The following AK8 variants were observed in gnomAD, a reference collection of about 807,000 sequenced individuals.
AK8 encodes ATP-AMP transphosphorylase 8.
Under a neutral mutation model 54.6 loss-of-function variants are expected in AK8, and 44 were observed. The ratio of observed to expected loss-of-function variants is 0.81; its 90% CI spans 0.63 to 1.04. The LOEUF is 1.04. Ranked by LOEUF, AK8 falls within the 50% of genes least tolerant of loss-of-function variation. AK8 has a pLI of 0.00. For synonymous variants in AK8, 239 were observed against 245.6 expected (o/e 0.97, Z 0.25); for missense variants, 555 against 613.6 (o/e 0.90, Z 1.01).
At chr9:132,767,463 C>G (rs2131075390) in intron 11 of AK8, among the ~76,000 whole-genome samples, 1 of 152,052 alleles carries the variant, frequency 6.6e-6, no homozygotes, top group Middle Eastern at 3.4e-3. Flanking sequence ...AAAAAAGATG[C>G]TGGTGAAGAT....
intron 11 of AK8, among the ~76,000 whole-genome samples, chr9:132,737,817 A>G (rs1034701165): frequency 1.3e-5 from 2 of 152,234 alleles, no homozygotes; most frequent in African/African-American, 4.8e-5. Context: ...AGAACAAGGC[A>G]AGAATGTCCA....
At chr9:132,813,626 C>T (rs1040625041) in intron 10 of AK8, among the ~76,000 whole-genome samples, 3 of 152,208 alleles carry the variant, frequency 2.0e-5, no homozygotes, top group East Asian at 1.9e-4. Context: ...AAATTCACTG[C>T]CCCAGGGAAG....
chr9:132,814,590 C>G, intron 10 of AK8, 48 bp downstream of exon 10: 2 of 1,559,608 alleles, frequency 1.3e-6, no homozygotes, highest in Non-Finnish European at 1.7e-6. Context: ...AAAGAAAGTT[C>G]TCTCTGGAGC....
intron 10 of AK8, among the ~76,000 whole-genome samples, chr9:132,813,796 CTG>C (rs1454251236): frequency 6.6e-6 from 1 of 152,210 alleles, no homozygotes; most frequent in Non-Finnish European, 1.5e-5. Flanking sequence ...AGCTTTCAGA[CTG>C]TGGATCACAG....
chr9:132,871,038 G>A (rs1194573548), intron 2 of AK8, among the ~76,000 whole-genome samples: 2 of 152,208 alleles, frequency 1.3e-5, no homozygotes. Flanking sequence ...CTGAGGTCAG[G>A]TGTTTGAGAC....
chr9:132,801,632 G>A (rs1165167326), intron 10 of AK8, among the ~76,000 whole-genome samples: 1 of 152,170 alleles, frequency 6.6e-6, no homozygotes, highest in Non-Finnish European at 1.5e-5. Flanking sequence ...ACGAAATCTG[G>A]GAGAAGAAAG....
In AK8 at chr9:132,791,514, G is replaced by A. The variant is rs1413714529; in HGVS notation, c.1121+1120C>T. ...GATAAAATCATTATAGTGCTCGTTTGGAATAATAAATATATAAAATAGACA... is the reference window on the plus strand; with the variant it reads ...GATAAAATCATTATAGTGCTCGTTTAGAATAATAAATATATAAAATAGACA... On this transcript the variant is annotated intron_variant, in intron 11 of 12. Transcript: ENST00000298545. The surrounding 1 kb of genome is among the most constrained non-coding windows in gnomAD (Gnocchi z 4.0). Among the ~76,000 whole-genome samples, 1 of 152,108 alleles carries A rather than the reference G, an allele frequency of 6.6e-6. No individual in the cohort carries two copies. Among genetic ancestry groups the A allele is most frequent in the Non-Finnish European group, 1.5e-5 (1 of 68,034 alleles).
chr9:132,800,349 C>T (rs1215594914), intron 10 of AK8, among the ~76,000 whole-genome samples: 3 of 152,208 alleles, frequency 2.0e-5, no homozygotes, highest in Admixed American at 2.0e-4. Context: ...AACATGGGTT[C>T]TGCATCCCCC....
At chr9:132,797,035 G>A (rs1428738838) in intron 10 of AK8, among the ~76,000 whole-genome samples, 3 of 152,276 alleles carry the variant, frequency 2.0e-5, no homozygotes, top group Non-Finnish European at 2.9e-5. Context: ...GAATGCTCAC[G>A]CTGGTTCCCA....
chr9:132,842,448 A>G lies in AK8; in HGVS notation c.402+12409T>C, dbSNP rs538622088. ...TAACTATGACAGTGCAGAGTTGGAG[A>G]GCAGAATGCTGTGAGCATGTGTAAC... On this transcript the variant is annotated intron_variant, in intron 5 of 12. Coordinates refer to ENST00000298545, the MANE Select transcript of AK8 (RefSeq NM_152572.3). 2.0e-5 allele frequency among the ~76,000 whole-genome samples: 3 copies of G among 152,110 alleles called. No homozygotes were observed. The South Asian group carries it at 6.2e-4, about 32-fold the overall frequency.
At chr9:132,816,080 G>A (rs573231158) in intron 9 of AK8, among the ~76,000 whole-genome samples, 4 of 152,302 alleles carry the variant, frequency 2.6e-5, no homozygotes, top group African/African-American at 9.6e-5. Context: ...GGAGCTAGGC[G>A]CAGTGGCTCA....
At chr9:132,783,316 G>A (rs1195553648) in intron 11 of AK8, among the ~76,000 whole-genome samples, 2 of 152,160 alleles carry the variant, frequency 1.3e-5, no homozygotes, top group Admixed American at 1.3e-4. Flanking sequence ...TTTTGCCCTA[G>A]AGCCTCCAGG....
intron 5 of AK8, among the ~76,000 whole-genome samples, chr9:132,854,117 C>T (rs1260752154): frequency 6.6e-6 from 1 of 152,194 alleles, no homozygotes; most frequent in Admixed American, 6.5e-5. Flanking sequence ...AGGAGGATCA[C>T]TTGAGCCTGG....
chr9:132,806,422 T>A (rs1030368754), intron 10 of AK8, among the ~76,000 whole-genome samples: 2 of 152,062 alleles, frequency 1.3e-5, no homozygotes, highest in Admixed American at 6.5e-5. Flanking sequence ...ACTTGTAAAT[T>A]ATTTAGAGAG....
At chr9:132,869,702 A>G (rs967345715) in intron 2 of AK8, among the ~76,000 whole-genome samples, 2 of 152,222 alleles carry the variant, frequency 1.3e-5, no homozygotes, top group Non-Finnish European at 2.9e-5. Context: ...TGTGGAAAAC[A>G]CTGCTTGCAG....
At chr9:132,857,197 G>C (rs73549201) in intron 4 of AK8, among the ~76,000 whole-genome samples, 191 of 152,292 alleles carry the variant, frequency 1.3e-3, no homozygotes, top group African/African-American at 3.4e-3. Flanking sequence ...GCAACAGAAT[G>C]CTGGCAGAGC....
At chr9:132,777,027 T>C (rs1317677394) in intron 11 of AK8, among the ~76,000 whole-genome samples, 1 of 152,088 alleles carries the variant, frequency 6.6e-6, no homozygotes. Flanking sequence ...CTTGTCTCCT[T>C]GCAAGATCAT....
intron 11 of AK8, among the ~76,000 whole-genome samples, chr9:132,775,473 T>C (rs1839171800): frequency 6.6e-6 from 1 of 152,078 alleles, no homozygotes; most frequent in Non-Finnish European, 1.5e-5. Context: ...CGGCTAATTT[T>C]TGTATTTTTA....
At chr9:132,804,472 G>C (rs1221568575) in intron 10 of AK8, among the ~76,000 whole-genome samples, 1 of 152,132 alleles carries the variant, frequency 6.6e-6, no homozygotes, top group African/African-American at 2.4e-5. Context: ...TCGTGGATGG[G>C]GTAAATCAGA....
Sources: gnomAD v4.1 joint callset for allele counts (sites outside exome capture counted in the v4.1 genomes callset) on GRCh38, gnomAD v4.1.1 for gene constraint, Gnocchi (gnomAD v3.1) non-coding constraint, MANE v1.5 for transcripts, NCBI Gene and HGNC (gene_info 2026-07-23, HGNC 2026-07-21) for gene names.